The following ESR1 variants were observed in gnomAD, a reference collection of about 807,000 sequenced individuals.
ESR1 encodes estrogen receptor.
ESR1 carries 12 observed loss-of-function variants against 52.7 expected under a neutral mutation model. The ratio of observed to expected loss-of-function variants is 0.23; its 90% CI spans 0.15 to 0.37. The LOEUF is 0.37. Ranked by LOEUF, ESR1 falls within the 10% of genes least tolerant of loss-of-function variation. The pLI, the probability that ESR1 is intolerant of heterozygous loss-of-function variation, is 1.00. For missense variants in ESR1, 584 were observed against 779.7 expected (o/e 0.75, Z 2.99); for synonymous variants, 305 against 316.8 (o/e 0.96, Z 0.39).
At chr6:152,022,815 T>C (rs9479162) in intron 5 of ESR1, among the ~76,000 whole-genome samples, 3 of 150,734 alleles carry the variant, frequency 2.0e-5, no homozygotes, top group Non-Finnish European at 3.0e-5. Context: ...CTACTAAAAA[T>C]AAAAATTAAA....
At chr6:151,693,274 A>C (rs1480770695) in intron 1 of ESR1, among the ~76,000 whole-genome samples, 1 of 152,234 alleles carries the variant, frequency 6.6e-6, no homozygotes, top group African/African-American at 2.4e-5. Flanking sequence ...ATTCAAGGTC[A>C]GCACCAAAGC....
At chr6:151,830,398 C>T (rs1782207780) in intron 1 of ESR1, among the ~76,000 whole-genome samples, 1 of 152,178 alleles carries the variant, frequency 6.6e-6, no homozygotes, top group African/African-American at 2.4e-5. Context: ...CGTAGTAATT[C>T]TGCAGGTAAA....
intron 1 of ESR1, among the ~76,000 whole-genome samples, chr6:151,832,015 T>G (rs1387898888): frequency 6.6e-6 from 1 of 152,214 alleles, no homozygotes; most frequent in Non-Finnish European, 1.5e-5. Flanking sequence ...TCTTCTGTAC[T>G]TTTTAGGGAT....
chr6:151,744,841 C>T (rs1783368255), intron 2 of ESR1, among the ~76,000 whole-genome samples: 1 of 152,182 alleles, frequency 6.6e-6, no homozygotes, highest in Non-Finnish European at 1.5e-5. Flanking sequence ...TTTATAGTTT[C>T]AGCTCTTATA....
At chr6:152,068,793 C>T (rs1019228204) in intron 6 of ESR1, among the ~76,000 whole-genome samples, 1 of 152,134 alleles carries the variant, frequency 6.6e-6, no homozygotes, top group African/African-American at 2.4e-5. Context: ...TAGTATATTA[C>T]AAAACTACCC....
At chr6:152,033,678 AC>A (rs2044969249) in intron 5 of ESR1, among the ~76,000 whole-genome samples, 1 of 152,156 alleles carries the variant, frequency 6.6e-6, no homozygotes, top group Admixed American at 6.5e-5. Context: ...AAATAGGAAG[AC>A]TTTTACACTG....
At chr6:152,007,007 C>A (rs1272392906) in intron 4 of ESR1, among the ~76,000 whole-genome samples, 1 of 151,882 alleles carries the variant, frequency 6.6e-6, no homozygotes, top group African/African-American at 2.4e-5. Flanking sequence ...TACTTTTTTT[C>A]ATGTCTCTAC....
chr6:151,885,079 G>A (rs889088193), intron 3 of ESR1, among the ~76,000 whole-genome samples: 3 of 152,132 alleles, frequency 2.0e-5, no homozygotes, highest in Admixed American at 1.3e-4. Flanking sequence ...AAGTCACAAG[G>A]TAGGTGTTCA....
At chr6:152,086,071 C>T (rs1263601227) in intron 6 of ESR1, among the ~76,000 whole-genome samples, 2 of 152,210 alleles carry the variant, frequency 1.3e-5, no homozygotes, top group Admixed American at 6.5e-5. Flanking sequence ...CCCTCAAAGC[C>T]TCTGAGACTA....
At chr6:152,128,960 G>A (rs1211814045) in exon 7 of ESR1, 2 of 152,232 alleles carry the variant, frequency 1.3e-5, no homozygotes, top group African/African-American at 4.8e-5. Flanking sequence ...TTGCCATTCA[G>A]GTGAAGATTA....
At chr6:151,898,181 C>G (rs144768825) in intron 3 of ESR1, among the ~76,000 whole-genome samples, 2 of 152,196 alleles carry the variant, frequency 1.3e-5, no homozygotes, top group Admixed American at 1.3e-4. Context: ...AGGCAATGAT[C>G]TTTTTGTGAT....
At chr6:152,105,559 G>A (rs1384834379), downstream of ESR1, among the ~76,000 whole-genome samples, 3 of 151,260 alleles carry the variant, frequency 2.0e-5, no homozygotes, top group South Asian at 6.3e-4. Flanking sequence ...CCGAGTAGCT[G>A]GGATTACAGG....
At chr6:151,990,458 C>T (rs780786690) in intron 4 of ESR1, among the ~76,000 whole-genome samples, 1 of 152,080 alleles carries the variant, frequency 6.6e-6, no homozygotes, top group Non-Finnish European at 1.5e-5. Flanking sequence ...CCTTCTGTGG[C>T]TGTGTAATCC....
chr6:151,856,527 C>A (rs1209686270), intron 2 of ESR1, among the ~76,000 whole-genome samples: 1 of 152,118 alleles, frequency 6.6e-6, no homozygotes, highest in Non-Finnish European at 1.5e-5. Context: ...AAAATTGTGG[C>A]AGTAAAACTG....
intron 2 of ESR1, among the ~76,000 whole-genome samples, chr6:151,869,265 A>G (rs745559659): frequency 2.6e-5 from 4 of 152,204 alleles, no homozygotes; most frequent in Non-Finnish European, 4.4e-5. Context: ...TTCTCTGGAA[A>G]TAATCGAACA....
intron 4 of ESR1, among the ~76,000 whole-genome samples, chr6:151,953,626 G>T (rs370568269): frequency 6.6e-6 from 1 of 151,954 alleles, no homozygotes; most frequent in East Asian, 1.9e-4. Flanking sequence ...GAGGCTGAGC[G>T]GGGAGAATCG....
intron 4 of ESR1, among the ~76,000 whole-genome samples, chr6:151,978,383 G>A (rs182781397): frequency 6.6e-6 from 1 of 152,096 alleles, no homozygotes; most frequent in Non-Finnish European, 1.5e-5. Flanking sequence ...GGAGAACAGT[G>A]TACGAAGGTG....
intron 2 of ESR1, among the ~76,000 whole-genome samples, chr6:151,724,252 G>A (rs148950499): frequency 2.6e-5 from 4 of 152,234 alleles, no homozygotes; most frequent in African/African-American, 4.8e-5. Flanking sequence ...TTATTCTACC[G>A]CTTAGGAGAG....
At chr6:151,985,641 A>G (rs1338808256) in intron 4 of ESR1, among the ~76,000 whole-genome samples, 1 of 151,312 alleles carries the variant, frequency 6.6e-6, no homozygotes, top group Non-Finnish European at 1.5e-5. Flanking sequence ...ACCATGTCGG[A>G]TGGGGCAATC....
Sources: gnomAD v4.1 joint callset for allele counts (sites outside exome capture counted in the v4.1 genomes callset) on GRCh38, gnomAD v4.1.1 for gene constraint, MANE v1.5 for transcripts, NCBI Gene and HGNC (gene_info 2026-07-23, HGNC 2026-07-21) for gene names.